The following HADH variants were observed in gnomAD, a reference collection of about 807,000 sequenced individuals.
HADH encodes hydroxyacyl-coenzyme A dehydrogenase, mitochondrial.
In HADH, 24 loss-of-function variants were observed where a neutral mutation model predicts 32.2. The ratio of observed to expected loss-of-function variants is 0.75; its 90% CI spans 0.54 to 1.05. HADH has a LOEUF of 1.05. Among genes scored for constraint, HADH ranks in the 50% least tolerant of loss-of-function variants. The pLI is 0.00. For missense variants in HADH, 350 were observed against 397.1 expected (o/e 0.88, Z 1.01); for synonymous variants, 139 against 152.5 (o/e 0.91, Z 0.65).
At chr4:108,029,406 A>G (rs1242549848) in intron 6 of HADH, 1 of 152,686 alleles carries the variant, frequency 6.5e-6, no homozygotes, top group Non-Finnish European at 1.5e-5. Context: ...TAGGTAGCAG[A>G]GTAATTCACG....
intron 4 of HADH, among the ~76,000 whole-genome samples, chr4:108,021,531 A>G (rs1465982908): frequency 6.6e-6 from 1 of 152,170 alleles, no homozygotes; most frequent in Non-Finnish European, 1.5e-5. Context: ...AAATGTATAT[A>G]TATATGTATT....
chr4:108,025,842 T>C (rs992502387), intron 5 of HADH: 1 of 151,862 alleles, frequency 6.6e-6, no homozygotes, highest in East Asian at 2.0e-4. Flanking sequence ...ATCATGCCAC[T>C]GCACTCCAGC....
chr4:108,012,044 A>C lies in HADH; in HGVS notation c.261+2157A>C, dbSNP rs1391512228. On this transcript the variant is annotated intron_variant, in intron 2 of 7. Coordinates refer to ENST00000309522, the MANE Select transcript of HADH (RefSeq NM_005327.7). ...GTAGCTAGGACTATAGATGTGAGCC[A>C]CCACACCCAGCTAATTAAAAAAAAA... Among the ~76,000 whole-genome samples, 3 of 152,124 alleles carry C rather than the reference A, an allele frequency of 2.0e-5. No individual in the cohort carries two copies. The East Asian group carries it at 5.8e-4, about 29-fold the overall frequency.
chr4:108,032,330 TC>T, intron 6 of HADH: 2 of 1,596,860 alleles, frequency 1.3e-6, no homozygotes, highest in Non-Finnish European at 8.6e-7. Flanking sequence ...TCAACAGACT[TC>T]CAAACGTGTG....
At chr4:108,020,169 A>G (rs1258684869) in intron 4 of HADH, among the ~76,000 whole-genome samples, 1 of 152,294 alleles carries the variant, frequency 6.6e-6, no homozygotes, top group Non-Finnish European at 1.5e-5. Context: ...TTGTGATCAG[A>G]GCTATTAAAA....
chr4:108,020,599 G>A (rs1735852118), intron 4 of HADH, among the ~76,000 whole-genome samples: 1 of 152,222 alleles, frequency 6.6e-6, no homozygotes, highest in Admixed American at 6.5e-5. Flanking sequence ...GGAATGCTTG[G>A]AGACTCCAAT....
chr4:107,991,059 A>G (rs1191813061), intron 1 of HADH, among the ~76,000 whole-genome samples: 2 of 151,942 alleles, frequency 1.3e-5, no homozygotes, highest in African/African-American at 2.4e-5. Flanking sequence ...TCTTTTATCC[A>G]TTGTACATCT....
intron 3 of HADH, among the ~76,000 whole-genome samples, chr4:108,017,576 C>T (rs1214685733): frequency 5.4e-5 from 8 of 147,208 alleles, no homozygotes; most frequent in Non-Finnish European, 6.0e-5. Context: ...TTTTTTGAGA[C>T]GGAGTCTCGC....
chr4:108,013,819 G>A (rs988196976), intron 2 of HADH, among the ~76,000 whole-genome samples: 3 of 152,040 alleles, frequency 2.0e-5, no homozygotes, highest in African/African-American at 7.2e-5. Flanking sequence ...TTTCACCTGC[G>A]AATGTCTTTT....
chr4:107,997,069 A>G (rs1399334775), intron 1 of HADH, among the ~76,000 whole-genome samples: 1 of 151,916 alleles, frequency 6.6e-6, no homozygotes, highest in African/African-American at 2.4e-5. Context: ...GCCCTGAGAG[A>G]TGCAACTGAT....
intron 7 of HADH, among the ~76,000 whole-genome samples, chr4:108,033,899 C>T (rs1449207941): frequency 6.6e-6 from 1 of 152,224 alleles, no homozygotes; most frequent in Non-Finnish European, 1.5e-5. Context: ...TGAAAGTTAA[C>T]TGTGCCAGTG....
intron 1 of HADH, among the ~76,000 whole-genome samples, chr4:107,998,552 G>A (rs6533330): frequency 0.88 from 133,919 of 152,100 alleles, 59,538 homozygotes; most frequent in East Asian, 0.97. Flanking sequence ...TCCTGGGATT[G>A]CAAGTGTGAG....
At chr4:108,004,648 T>G in intron 1 of HADH, 3 of 1,514,014 alleles carry the variant, frequency 2.0e-6, no homozygotes, top group Non-Finnish European at 2.6e-6. Context: ...ACCATGAACT[T>G]CCATATCTGT....
intron 6 of HADH, chr4:108,028,119 G>T (rs1218099733): frequency 3.1e-6 from 1 of 321,322 alleles, no homozygotes; most frequent in Non-Finnish European, 5.9e-6. Context: ...TAGGCTAGGA[G>T]ATCTTGAAAG....
chr4:108,017,190 T>G (rs921191467), intron 3 of HADH, among the ~76,000 whole-genome samples: 3 of 152,184 alleles, frequency 2.0e-5, no homozygotes, highest in African/African-American at 7.2e-5. Flanking sequence ...GAAAATATAG[T>G]CAAGTGATAC....
chr4:108,004,784 C>T (rs1401124187), intron 1 of HADH: 1 of 1,535,884 alleles, frequency 6.5e-7, no homozygotes, highest in Non-Finnish European at 8.7e-7. Context: ...ATGTGTAGGA[C>T]AGCCTTAGGA....
At chr4:108,005,163 G>A in intron 1 of HADH, 1 of 301,782 alleles carries the variant, frequency 3.3e-6, no homozygotes, top group South Asian at 5.4e-5. Context: ...TCAAACTAGG[G>A]TCTTTGGGGA....
intron 2 of HADH, among the ~76,000 whole-genome samples, chr4:108,013,596 T>G (rs1242674675): frequency 1.3e-5 from 2 of 152,174 alleles, no homozygotes; most frequent in African/African-American, 4.8e-5. Flanking sequence ...TATCTAGCTC[T>G]ATACTGACCA....
intron 1 of HADH, among the ~76,000 whole-genome samples, chr4:107,994,673 G>A (rs1425656531): frequency 6.6e-6 from 1 of 152,082 alleles, no homozygotes; most frequent in African/African-American, 2.4e-5. Flanking sequence ...GGGAATATTT[G>A]TACTCCCAGT....
Sources: allele counts gnomAD v4.1 joint callset (sites outside exome capture counted in the v4.1 genomes callset), GRCh38; gene constraint gnomAD v4.1.1; transcripts MANE v1.5; gene names NCBI Gene and HGNC (gene_info 2026-07-23, HGNC 2026-07-21).